The following FAT3 variants were observed in gnomAD, a reference collection of about 807,000 sequenced individuals.
FAT3 encodes the protein protocadherin Fat 3.
A neutral mutation model predicts 310.2 loss-of-function variants in FAT3; 95 were observed. The ratio of observed to expected loss-of-function variants is 0.31; its 90% CI spans 0.26 to 0.36. FAT3 has a LOEUF of 0.36. FAT3 is among the 10% of genes least tolerant of loss of function. FAT3 has a pLI of 1.00. For missense variants in FAT3, 5,408 were observed against 5,715.6 expected, an observed-to-expected ratio of 0.95 and a Z score of 1.74; for synonymous variants, 2,314 against 2,192.9, an observed-to-expected ratio of 1.06 and a Z score of -1.54.
chr11:92,793,262 C>T (rs1236060408), intron 9 of FAT3, among the ~76,000 whole-genome samples: 2 of 152,112 alleles, frequency 1.3e-5, no homozygotes, highest in Admixed American at 1.3e-4. Flanking sequence ...AATTTAGTGG[C>T]TTTTACCTGT....
chr11:92,588,461 T>A (rs1939262550), intron 3 of FAT3, among the ~76,000 whole-genome samples: 1 of 152,104 alleles, frequency 6.6e-6, no homozygotes, highest in Non-Finnish European at 1.5e-5. Flanking sequence ...GGCAACTTCC[T>A]ACTGATTTTA....
intron 2 of FAT3, among the ~76,000 whole-genome samples, chr11:92,412,754 T>TATATATATATAC (rs1565296585): frequency 6.3e-5 from 6 of 94,950 alleles, no homozygotes; most frequent in East Asian, 2.8e-4. Context: ...TAAATATACA[T>TATATATATATAC]ACATATATAT....
chr11:92,466,696 A>C (rs1282963460), intron 2 of FAT3, among the ~76,000 whole-genome samples: 2 of 149,948 alleles, frequency 1.3e-5, no homozygotes, highest in African/African-American at 2.4e-5. Flanking sequence ...CTCGTCATTT[A>C]GCATTAGGTG....
intron 2 of FAT3, among the ~76,000 whole-genome samples, chr11:92,378,088 T>A (rs1398358146): frequency 6.6e-6 from 1 of 152,216 alleles, no homozygotes; most frequent in East Asian, 1.9e-4. Context: ...TAGCTTACAT[T>A]TTAAAAAATA....
chr11:92,394,985 G>C (rs1949835268), intron 2 of FAT3, among the ~76,000 whole-genome samples: 1 of 152,116 alleles, frequency 6.6e-6, no homozygotes, highest in Non-Finnish European at 1.5e-5. Flanking sequence ...ACACCCATTG[G>C]CTAGGAGAGT....
At position 92,355,382 on chromosome 11, in the gene FAT3, G is replaced by T. The variant is rs780292970; in HGVS notation, c.3270G>T (p.Arg1090Ser). The change falls in exon 2 of 28, where the codon AGG becomes AGT. Residue 1090 changes from arginine to serine, a missense_variant. Physicochemically the swap from Arg to Ser is moderately radical, Grantham distance 110 (BLOSUM62 -1). Around this residue, in one of 5 missense-constraint regions of FAT3, gnomAD observed 4,588 missense variants for 4,809.8 expected, o/e 0.95. Transcript: ENST00000525166. ...TCAGGGATGGCAGTGGTCTTGGAAG[G>T]TTCAGTATAGACGACGAGAGTGGTA... The part of the protein sequence containing the change: ...YSIRDGSGLG[R>S]FSIDDESGVI... The T allele has an allele frequency of 1.9e-6, 3 of 1,612,112 alleles. No homozygotes were observed. The highest frequency in any genetic ancestry group is 2.7e-5 in the African/African-American group (2 of 74,860).
At chr11:92,623,769 C>A (rs1193970521) in intron 3 of FAT3, among the ~76,000 whole-genome samples, 1 of 152,036 alleles carries the variant, frequency 6.6e-6, no homozygotes. Context: ...TGGTGAAACC[C>A]CGTCTCTACT....
chr11:92,315,332 T>A lies in FAT3; in HGVS notation c.-17-36764T>A, dbSNP rs570887644. The stretch of plus-strand genomic sequence containing the variant: ...ACTTGCAAATCAAAGCCTGAAACCA[T>A]GAAAATTACAAAACAAAAGTAAGTT... On this transcript the variant is annotated intron_variant, in intron 1 of 27. Coordinates refer to ENST00000525166, the MANE Select transcript of FAT3 (RefSeq NM_001367949.2). 1.0e-4 allele frequency among the ~76,000 whole-genome samples: 13 copies of A among 127,800 alleles called. No individual in the cohort carries two copies. The East Asian group carries it at 2.6e-3, about 26-fold the overall frequency. 83.8% of individuals were successfully genotyped at this position (127,800 alleles called of 152,430 possible).
At chr11:92,306,724 T>C (rs34206232) in intron 1 of FAT3, among the ~76,000 whole-genome samples, 1 of 118,574 alleles carries the variant, frequency 8.4e-6, no homozygotes, top group Admixed American at 1.2e-4. Context: ...ATTTATATAT[T>C]ATATATATAT....
chr11:92,515,595 T>G (rs560707942), intron 2 of FAT3, among the ~76,000 whole-genome samples: 1 of 152,170 alleles, frequency 6.6e-6, no homozygotes, highest in South Asian at 2.1e-4. Flanking sequence ...AAACTAAAGT[T>G]TGAGAAGAGA....
Position 92,642,540 on chromosome 11 carries a change from A to G in FAT3, c.3608-54844A>G, listed in dbSNP as rs185801021. Among the ~76,000 whole-genome samples the G allele has an allele frequency of 3.3e-5, 5 of 152,370 alleles. No homozygotes were observed. In the East Asian group the frequency reaches 9.6e-4, roughly 29 times the overall value. On this transcript the variant is annotated intron_variant, in intron 3 of 27. Coordinates refer to ENST00000525166, the MANE Select transcript of FAT3 (RefSeq NM_001367949.2). Reference sequence around the variant, plus strand: ...ATCCTGACCAGAGAATTCACAGACTATATTTAAATCAGCAAGAAATGCTTA... The same window carrying G: ...ATCCTGACCAGAGAATTCACAGACTGTATTTAAATCAGCAAGAAATGCTTA...
intron 4 of FAT3, among the ~76,000 whole-genome samples, chr11:92,756,853 T>C (rs1397247684): frequency 6.6e-6 from 1 of 151,708 alleles, no homozygotes; most frequent in East Asian, 1.9e-4. Context: ...TGTCCTGTTT[T>C]GTAATTGTCC....
intron 3 of FAT3, among the ~76,000 whole-genome samples, chr11:92,647,354 G>T (rs1320270161): frequency 1.3e-5 from 2 of 152,090 alleles, no homozygotes; most frequent in African/African-American, 4.8e-5. Flanking sequence ...AACATTTGAG[G>T]AATGGACTCC....
At chr11:92,578,585 T>A (rs1470201125) in intron 3 of FAT3, among the ~76,000 whole-genome samples, 1 of 152,176 alleles carries the variant, frequency 6.6e-6, no homozygotes, top group East Asian at 1.9e-4. Flanking sequence ...TCCCTTTTGA[T>A]AATGGACTGC....
At chr11:92,498,202 T>C (rs1486688078) in intron 2 of FAT3, 1 of 165,734 alleles carries the variant, frequency 6.0e-6, no homozygotes, top group Admixed American at 6.1e-5. Flanking sequence ...TTAGCACCAC[T>C]TTCATTCCCA....
At chr11:92,539,513 C>G (rs192698894) in intron 3 of FAT3, among the ~76,000 whole-genome samples, 3 of 152,140 alleles carry the variant, frequency 2.0e-5, no homozygotes, top group Admixed American at 1.3e-4. Context: ...TAAGCCTTTA[C>G]GGATTTGGGA....
chr11:92,425,407 A>G (rs1030844865), intron 2 of FAT3, among the ~76,000 whole-genome samples: 3 of 151,844 alleles, frequency 2.0e-5, no homozygotes, highest in Admixed American at 6.6e-5. Flanking sequence ...TAATTTTTAT[A>G]CTTAAGTTCT....
chr11:92,396,148 A>G (rs1949864137), intron 2 of FAT3, among the ~76,000 whole-genome samples: 1 of 152,196 alleles, frequency 6.6e-6, no homozygotes, highest in African/African-American at 2.4e-5. Flanking sequence ...TAGGTGTTAC[A>G]TCTAATAAAT....
At chr11:92,832,340 A>T (rs1313898611) in intron 14 of FAT3, among the ~76,000 whole-genome samples, 5 of 151,994 alleles carry the variant, frequency 3.3e-5, no homozygotes, top group Non-Finnish European at 7.4e-5. Context: ...TGTCCAAAAA[A>T]AATAATAATA....
Sources: gnomAD v4.1 joint callset for allele counts (sites outside exome capture counted in the v4.1 genomes callset) on GRCh38, gnomAD v4.1.1 for gene constraint, gnomAD v4.1.1 regional missense constraint, MANE v1.5 for transcripts, NCBI Gene and HGNC (gene_info 2026-07-23, HGNC 2026-07-21) for gene names.